Variants in NCOA2 observed in about 807,000 individuals in gnomAD.
NCOA2 encodes the protein nuclear receptor coactivator 2, also known as class E basic helix-loop-helix protein 75.
A neutral mutation model predicts 145.1 loss-of-function variants in NCOA2; 21 were observed. That is an observed-to-expected ratio of 0.14 (90% CI 0.10 to 0.21). NCOA2 has a LOEUF of 0.21. Ranked by LOEUF, NCOA2 falls within the 10% of genes least tolerant of loss-of-function variation. The pLI is 1.00. For missense variants in NCOA2, 1,472 were observed against 1,837.6 expected, an observed-to-expected ratio of 0.80 and a Z score of 3.64; for synonymous variants, 619 against 637.5, an observed-to-expected ratio of 0.97 and a Z score of 0.44.
intron 22 of NCOA2, among the ~76,000 whole-genome samples, chr8:70,117,267 TC>T (rs1331537811): frequency 6.6e-5 from 10 of 152,210 alleles, no homozygotes; most frequent in Admixed American, 6.5e-4. Flanking sequence ...GTTCTCTAAG[TC>T]TTCAGACTAG....
chr8:70,430,536 T>C, the NCOA2 span, among the ~76,000 whole-genome samples: 3 of 152,240 alleles, frequency 2.0e-5, no homozygotes, highest in Non-Finnish European at 4.4e-5. Flanking sequence ...TGTTTTCTTC[T>C]GCCTTGTGGC....
intron 2 of NCOA2, among the ~76,000 whole-genome samples, chr8:70,222,682 T>G (rs890860355): frequency 1.3e-5 from 2 of 152,212 alleles, no homozygotes; most frequent in African/African-American, 4.8e-5. Flanking sequence ...TAGCAGCTCT[T>G]TAACACATGC....
chr8:70,254,887 T>C (rs887816691), intron 2 of NCOA2, among the ~76,000 whole-genome samples: 1 of 152,186 alleles, frequency 6.6e-6, no homozygotes, highest in Non-Finnish European at 1.5e-5. Context: ...TTATCATACT[T>C]TTTTGAAAAG....
chr8:70,205,451 C>T (rs1378550461), intron 4 of NCOA2, among the ~76,000 whole-genome samples: 9 of 152,076 alleles, frequency 5.9e-5, no homozygotes, highest in Non-Finnish European at 1.3e-4. Context: ...CCAAACTGGT[C>T]AGACCCGAGG....
intron 4 of NCOA2, among the ~76,000 whole-genome samples, chr8:70,189,574 C>CAA (rs1816459623): frequency 6.6e-6 from 1 of 152,192 alleles, no homozygotes; most frequent in Non-Finnish European, 1.5e-5. Flanking sequence ...GCAGCAACTT[C>CAA]AAGCACATGG....
chr8:70,367,371 G>A (rs914794394), intron 1 of NCOA2, among the ~76,000 whole-genome samples: 5 of 152,192 alleles, frequency 3.3e-5, no homozygotes, highest in Admixed American at 2.0e-4. Flanking sequence ...CTGAAGCTCT[G>A]TGGGAATAAT....
chr8:70,408,876 C>T, the NCOA2 span, among the ~76,000 whole-genome samples: 1 of 151,298 alleles, frequency 6.6e-6, no homozygotes, highest in African/African-American at 2.4e-5. Context: ...GATCTGCCCA[C>T]CTAAGCCTTC....
intron 2 of NCOA2, among the ~76,000 whole-genome samples, chr8:70,254,160 A>T (rs568411035): frequency 1.3e-5 from 2 of 152,352 alleles, no homozygotes; most frequent in East Asian, 3.9e-4. Flanking sequence ...ATCACTAATC[A>T]TTAGGGAAAT....
At chr8:70,351,010 A>T (rs1809131132) in intron 1 of NCOA2, among the ~76,000 whole-genome samples, 3 of 152,224 alleles carry the variant, frequency 2.0e-5, no homozygotes. Flanking sequence ...AGGTGGAAGG[A>T]CAAGAGAGCA....
intron 2 of NCOA2, among the ~76,000 whole-genome samples, chr8:70,242,663 T>C (rs1390036016): frequency 6.6e-5 from 10 of 152,086 alleles, no homozygotes; most frequent in Admixed American, 6.6e-4. Context: ...AATCTTATAT[T>C]CCCTTGGCTT....
chr8:70,170,217 G>C lies in NCOA2; in HGVS notation c.526C>G (p.Leu176Val). 1.9e-6 allele frequency: 3 copies of C among 1,613,276 alleles called. 1 individual carries two copies. In the South Asian group the frequency reaches 3.3e-5, roughly 18 times the overall value. The change falls in exon 6 of 23, where the codon CTG becomes GTG. Residue 176 changes from leucine to valine, a missense_variant. By Grantham distance (32) the Leu-to-Val change is conservative. Around this residue, in one of 4 missense-constraint regions of NCOA2, gnomAD observed 284 missense variants for 467.8 expected, o/e 0.61. Transcript: ENST00000452400. ...GDHTEFVKNL[L>V]PKSIVNGGSW... ...AGACATTTACCTATAGACTTTGGCA[G>C]CAGGTTTTTGACAAATTCCGTGTGG...
intron 4 of NCOA2, among the ~76,000 whole-genome samples, chr8:70,206,158 C>T (rs924653647): frequency 6.6e-6 from 1 of 152,346 alleles, no homozygotes; most frequent in Admixed American, 6.5e-5. Flanking sequence ...CACAATATGA[C>T]TCTGCATTAA....
intron 1 of NCOA2, among the ~76,000 whole-genome samples, chr8:70,380,385 ACACT>A (rs752178853): frequency 5.3e-5 from 8 of 152,174 alleles, no homozygotes; most frequent in East Asian, 3.8e-4. Context: ...GCACAGTGCC[ACACT>A]CACTCACTCA....
chr8:70,339,774 AT>A (rs1302821213), intron 1 of NCOA2, among the ~76,000 whole-genome samples: 2 of 152,128 alleles, frequency 1.3e-5, no homozygotes, highest in Non-Finnish European at 2.9e-5. Context: ...GAACTCAGTA[AT>A]ATAACTGTTG....
chr8:70,301,170 CCTT>C (rs1342421544), intron 1 of NCOA2, among the ~76,000 whole-genome samples: 1 of 152,156 alleles, frequency 6.6e-6, no homozygotes, highest in African/African-American at 2.4e-5. Context: ...CTGAAAACTG[CCTT>C]CTTGAGGTTT....
intron 1 of NCOA2, among the ~76,000 whole-genome samples, chr8:70,344,477 T>C (rs1808428334): frequency 6.6e-6 from 1 of 152,226 alleles, no homozygotes; most frequent in African/African-American, 2.4e-5. Context: ...TCTGGTCCGC[T>C]ACAAAATAGA....
At chr8:70,410,209 C>CA in the NCOA2 span, among the ~76,000 whole-genome samples, 35 of 147,150 alleles carry the variant, frequency 2.4e-4, no homozygotes, top group South Asian at 1.1e-3. Flanking sequence ...GATTCTTGTC[C>CA]AAAAAAAAAC....
the NCOA2 span, among the ~76,000 whole-genome samples, chr8:70,436,481 T>G: frequency 6.6e-6 from 1 of 152,194 alleles, no homozygotes; most frequent in Non-Finnish European, 1.5e-5. Context: ...AATACTGAGC[T>G]ACAAATGGTT....
intron 4 of NCOA2, among the ~76,000 whole-genome samples, chr8:70,186,118 G>A (rs544624739): frequency 6.6e-6 from 1 of 152,148 alleles, no homozygotes; most frequent in South Asian, 2.1e-4. Context: ...CCATCTTGGG[G>A]AAAGGAGCCC....
Sources: allele counts gnomAD v4.1 joint callset (sites outside exome capture counted in the v4.1 genomes callset), GRCh38; gene constraint gnomAD v4.1.1; regional missense constraint gnomAD v4.1.1; transcripts MANE v1.5; gene names NCBI Gene and HGNC (gene_info 2026-07-23, HGNC 2026-07-21).